FAIM: variants seen among roughly 807,000 people sequenced by gnomAD.
FAIM encodes Fas apoptotic inhibitory molecule.
In FAIM, 14 loss-of-function variants were observed where a neutral mutation model predicts 21.2. The ratio of observed to expected loss-of-function variants is 0.66; its 90% CI spans 0.44 to 1.03. FAIM has a LOEUF of 1.03. Ranked by LOEUF, FAIM falls within the 50% of genes least tolerant of loss-of-function variation. The pLI is 0.00. For missense variants in FAIM, 222 were observed against 247.1 expected (o/e 0.90, Z 0.68); for synonymous variants, 86 against 80.4 (o/e 1.07, Z -0.37).
At chr3:138,609,038 C>A in intron 1 of FAIM, 101 bp downstream of exon 1, 1 of 152,480 alleles carries the variant, frequency 6.6e-6, no homozygotes, top group Non-Finnish European at 1.5e-5. Flanking sequence ...ACTCAGCCCC[C>A]CGGCGTCCCC....
chr3:138,609,769 A>G (rs1277579963), intron 1 of FAIM, among the ~76,000 whole-genome samples: 2 of 151,804 alleles, frequency 1.3e-5, no homozygotes, highest in Non-Finnish European at 2.9e-5. Context: ...TTCAGTTTTT[A>G]GTTATTGCAA....
intron 2 of FAIM, among the ~76,000 whole-genome samples, chr3:138,620,016 G>C (rs552371549): frequency 2.6e-5 from 4 of 152,338 alleles, no homozygotes; most frequent in African/African-American, 9.6e-5. Flanking sequence ...TCAGCACAGA[G>C]TTCTTGGCAA....
chr3:138,618,628 A>G (rs760332029), intron 1 of FAIM, among the ~76,000 whole-genome samples: 1 of 152,228 alleles, frequency 6.6e-6, no homozygotes, highest in Non-Finnish European at 1.5e-5. Flanking sequence ...AGATCATGCC[A>G]CTGCACTCCA....
At chr3:138,629,188 A>AT (rs1560500497) in intron 5 of FAIM, 32 bp downstream of exon 5, 2 of 1,554,988 alleles carry the variant, frequency 1.3e-6, no homozygotes, top group South Asian at 2.2e-5. Flanking sequence ...TCTAAGTGCC[A>AT]TGTGTCTCAG....
intron 1 of FAIM, among the ~76,000 whole-genome samples, chr3:138,614,717 G>T (rs1322118771): frequency 6.6e-6 from 1 of 152,152 alleles, no homozygotes; most frequent in East Asian, 1.9e-4. Flanking sequence ...AAGTCAGGTG[G>T]ATTACTTGAG....
chr3:138,626,457 C>T (rs1657622812), intron 4 of FAIM, among the ~76,000 whole-genome samples: 1 of 152,228 alleles, frequency 6.6e-6, no homozygotes, highest in African/African-American at 2.4e-5. Flanking sequence ...TCTCTTACCA[C>T]ATAAAAGCAT....
chr3:138,627,755 C>T (rs1577017041), intron 4 of FAIM, among the ~76,000 whole-genome samples: 1 of 152,272 alleles, frequency 6.6e-6, no homozygotes, highest in Non-Finnish European at 1.5e-5. Flanking sequence ...TGACCCCTGC[C>T]CATATCTCCT....
In FAIM at chr3:138,622,174, G is replaced by T; in HGVS notation, c.178-14G>T. ...TCTTCCATTTGTTTCATATTTTTCT[G>T]TTTTATTATGTAGGAAGAGATAAGA... On this transcript the variant is annotated splice_polypyrimidine_tract_variant and intron_variant, in intron 3 of 5. Transcript: ENST00000360570. 6.4e-7 allele frequency: 1 copy of T among 1,558,216 alleles called. No homozygotes were observed. Among genetic ancestry groups the T allele is most frequent in the Non-Finnish European group, 8.7e-7 (1 of 1,152,618 alleles).
chr3:138,609,557 T>C (rs892025849), intron 1 of FAIM, among the ~76,000 whole-genome samples: 3 of 88,184 alleles, frequency 3.4e-5, no homozygotes, highest in Non-Finnish European at 4.5e-5. Flanking sequence ...TCTCTCTCTC[T>C]CTCTCTCTCT....
intron 1 of FAIM, among the ~76,000 whole-genome samples, chr3:138,616,265 C>T (rs1404298010): frequency 2.0e-5 from 3 of 152,170 alleles, no homozygotes; most frequent in Non-Finnish European, 4.4e-5. Context: ...GCATAGAAAG[C>T]AGTTTTTAAA....
intron 1 of FAIM, among the ~76,000 whole-genome samples, chr3:138,612,261 T>C (rs932448043): frequency 6.6e-5 from 10 of 152,028 alleles, no homozygotes; most frequent in African/African-American, 2.4e-4. Flanking sequence ...CCACCACGCC[T>C]GGCTAATTTT....
chr3:138,626,061 T>G (rs891155868), intron 4 of FAIM, among the ~76,000 whole-genome samples: 1 of 152,134 alleles, frequency 6.6e-6, no homozygotes, highest in Non-Finnish European at 1.5e-5. Flanking sequence ...TTCTGAAAAG[T>G]TTCTCTTTGA....
chr3:138,622,445 T>A, intron 4 of FAIM, 29 bp downstream of exon 4: 2 of 1,199,934 alleles, frequency 1.7e-6, no homozygotes, highest in Non-Finnish European at 2.3e-6. Context: ...CGCAGAACTT[T>A]TTTTTTTTTT....
At position 138,621,446 on chromosome 3, in the gene FAIM, T is replaced by C. The variant is rs2042883781; in HGVS notation, c.84T>C (p.Ala28=). Residue 28 remains alanine, a synonymous_variant, in exon 3 of 6, where the codon GCT becomes GCC. Coordinates refer to ENST00000360570, the MANE Select transcript of FAIM (RefSeq NM_001033031.2). ...YSLEKMTDLV[A]VWDVALSDGV... ...TAGAAAAAATGACAGATCTCGTAGC[T>C]GTTTGGGATGTTGCTTTAAGTGACG... 6.2e-7 allele frequency: 1 copy of C among 1,614,046 alleles called. No homozygotes were observed. The highest frequency in any genetic ancestry group is 8.5e-7 in the Non-Finnish European group (1 of 1,179,970).
intron 3 of FAIM, among the ~76,000 whole-genome samples, chr3:138,621,919 A>T (rs545368755): frequency 6.6e-6 from 1 of 152,054 alleles, no homozygotes; most frequent in Admixed American, 6.6e-5. Context: ...AGTAGCTGGG[A>T]TTACAGGCAC....
Position 138,610,574 on chromosome 3 carries a change from G to A in FAIM, c.-17+1637G>A, listed in dbSNP as rs886262583. ...AAAAACAACAGTGGATTAATTTCTTGCTCCCAAGTTTCATTTTTTTATTTT... is the reference window on the plus strand; with the variant it reads ...AAAAACAACAGTGGATTAATTTCTTACTCCCAAGTTTCATTTTTTTATTTT... On this transcript the variant is annotated intron_variant, in intron 1 of 5. Coordinates refer to ENST00000360570, the MANE Select transcript of FAIM (RefSeq NM_001033031.2). 4 of 159,564 alleles carry A rather than the reference G, an allele frequency of 2.5e-5. No individual in the cohort carries two copies. The South Asian group carries it at 7.3e-4, about 29-fold the overall frequency. The allele number at this position is 159,564 out of a possible 1,614,324, so 9.9% of individuals were successfully genotyped here.
intron 5 of FAIM, chr3:138,630,571 G>C (rs2042994982): frequency 6.6e-6 from 1 of 152,174 alleles, no homozygotes. Flanking sequence ...GCTGTTCTCT[G>C]GGTTAAATCT....
intron 4 of FAIM, among the ~76,000 whole-genome samples, chr3:138,624,414 G>A (rs867436073): frequency 2.6e-5 from 4 of 151,998 alleles, no homozygotes; most frequent in Admixed American, 2.6e-4. Context: ...GAATTATCTC[G>A]GGTCTTTAAA....
chr3:138,633,052 T>TA lies in FAIM; in HGVS notation c.580dup (p.Arg194LysfsTer17). 1.2e-6 allele frequency: 2 copies of TA among 1,613,196 alleles called. No individual in the cohort carries two copies. Among genetic ancestry groups the TA allele is most frequent in the Non-Finnish European group, 1.7e-6 (2 of 1,179,642 alleles). On this transcript the variant is annotated frameshift_variant, in exon 6 of 6. Coordinates refer to ENST00000360570, the MANE Select transcript of FAIM (RefSeq NM_001033031.2). LOFTEE classifies it high-confidence loss of function. The stretch of plus-strand genomic sequence containing the variant: ...TTATTCATACTCTCATTGTGGATAA[T>TA]AGAGAAATCCCAGAGATTGCAAGTT...
Sources: gnomAD v4.1 joint callset for allele counts (sites outside exome capture counted in the v4.1 genomes callset) on GRCh38, gnomAD v4.1.1 for gene constraint, MANE v1.5 for transcripts, NCBI Gene and HGNC (gene_info 2026-07-23, HGNC 2026-07-21) for gene names.